Variants in GADL1 observed in about 807,000 individuals in gnomAD.
GADL1 encodes the protein GAD like acidic amino acid decarboxylase 1, also known as acidic amino acid decarboxylase GADL1.
In GADL1, 71 loss-of-function variants were observed where a neutral mutation model predicts 69.5. That is an observed-to-expected ratio of 1.02 (90% CI 0.84 to 1.25). The LOEUF is 1.25. Among genes scored for constraint, GADL1 ranks in the 50% most tolerant of loss-of-function variants. The probability of loss-of-function intolerance (pLI) is 0.00; values close to 1 mark genes in which losing one functional copy is unlikely to be tolerated. For missense variants in GADL1, 737 were observed against 631.8 expected (o/e 1.17, Z -1.79); for synonymous variants, 254 against 214.4 (o/e 1.18, Z -1.62).
At chr3:30,878,226 T>C (rs1478020614) in intron 1 of GADL1, among the ~76,000 whole-genome samples, 4 of 151,938 alleles carry the variant, frequency 2.6e-5, no homozygotes. Context: ...AATGATTCTA[T>C]GGCTAAAGCC....
intron 5 of GADL1, among the ~76,000 whole-genome samples, chr3:30,850,437 C>T (rs1247861608): frequency 6.6e-6 from 1 of 151,950 alleles, no homozygotes; most frequent in African/African-American, 2.4e-5. Flanking sequence ...TTCTTTGTCA[C>T]CTAATCAATA....
At chr3:30,822,161 A>T (rs2125518095) in intron 11 of GADL1, among the ~76,000 whole-genome samples, 1 of 152,194 alleles carries the variant, frequency 6.6e-6, no homozygotes, top group East Asian at 1.9e-4. Flanking sequence ...ATTCCACAAC[A>T]AGAATAGATG....
intron 1 of GADL1, among the ~76,000 whole-genome samples, chr3:30,876,229 G>A (rs1232152393): frequency 6.6e-6 from 1 of 151,996 alleles, no homozygotes; most frequent in East Asian, 1.9e-4. Context: ...TAAGTAACTT[G>A]CCCAAGGCTA....
At chr3:30,839,201 C>T in intron 8 of GADL1, 88 bp from the exon 9 acceptor site, 1 of 803,818 alleles carries the variant, frequency 1.2e-6, no homozygotes, top group Non-Finnish European at 1.9e-6. Context: ...GGTTATGCAT[C>T]CAGAGAGTTA....
chr3:30,857,143 T>C lies in GADL1; in HGVS notation c.211-2A>G, dbSNP rs1321799872. ...TTCAGGAGGCCTCCATTCACACACCTGGAGATTCAACCACAACACAAATTG... is the reference window on the plus strand; with the variant it reads ...TTCAGGAGGCCTCCATTCACACACCCGGAGATTCAACCACAACACAAATTG... On this transcript the variant is annotated splice_acceptor_variant, in intron 2 of 14. Coordinates refer to ENST00000282538, the MANE Select transcript of GADL1 (RefSeq NM_207359.3). LOFTEE classifies it high-confidence loss of function. 1.9e-6 allele frequency: 3 copies of C among 1,549,812 alleles called. No homozygotes were observed. Among genetic ancestry groups the C allele is most frequent in the Admixed American group, 2.0e-5 (1 of 50,926 alleles).
chr3:30,752,871 G>T (rs1695860870), intron 14 of GADL1, among the ~76,000 whole-genome samples: 1 of 152,148 alleles, frequency 6.6e-6, no homozygotes. Context: ...ATAACTAAAA[G>T]TGGCTAGAAG....
At chr3:30,814,225 T>A (rs183148294) in intron 11 of GADL1, among the ~76,000 whole-genome samples, 8 of 152,326 alleles carry the variant, frequency 5.3e-5, no homozygotes, top group Admixed American at 4.6e-4. Flanking sequence ...AGCAGAGGAA[T>A]AATTTGAACA....
At chr3:30,756,204 G>T (rs1004870351) in intron 14 of GADL1, among the ~76,000 whole-genome samples, 11 of 152,152 alleles carry the variant, frequency 7.2e-5, no homozygotes, top group Non-Finnish European at 2.9e-5. Context: ...TATGGACCAT[G>T]ACAATGAACA....
At chr3:30,892,042 G>C (rs1698794747) in intron 1 of GADL1, among the ~76,000 whole-genome samples, 1 of 152,154 alleles carries the variant, frequency 6.6e-6, no homozygotes, top group Non-Finnish European at 1.5e-5. Context: ...TATTCAGGAA[G>C]AATGGAAAGT....
At chr3:30,740,392 T>C (rs759981928) in intron 14 of GADL1, among the ~76,000 whole-genome samples, 4 of 152,180 alleles carry the variant, frequency 2.6e-5, no homozygotes, top group Non-Finnish European at 4.4e-5. Flanking sequence ...TGGCATTCTT[T>C]CCCAAGTTGG....
At chr3:30,875,663 A>G (rs1043982230) in intron 1 of GADL1, among the ~76,000 whole-genome samples, 1 of 151,862 alleles carries the variant, frequency 6.6e-6, no homozygotes. Context: ...CATACTTCAC[A>G]TATTAAATAG....
chr3:30,731,131 C>T (rs1695451112), intron 14 of GADL1, among the ~76,000 whole-genome samples: 1 of 152,190 alleles, frequency 6.6e-6, no homozygotes, highest in African/African-American at 2.4e-5. Context: ...GACCAAATGT[C>T]TAGCTAGAAG....
chr3:30,751,127 C>T (rs760855585), intron 14 of GADL1, among the ~76,000 whole-genome samples: 5 of 150,066 alleles, frequency 3.3e-5, no homozygotes, highest in Non-Finnish European at 5.9e-5. Context: ...GGGCAGCTTA[C>T]GGGCCATATC....
intron 1 of GADL1, among the ~76,000 whole-genome samples, chr3:30,876,184 G>A (rs184668470): frequency 4.6e-5 from 7 of 152,090 alleles, no homozygotes; most frequent in South Asian, 2.1e-4. Flanking sequence ...TAACATCCCC[G>A]TTTTATAAAT....
chr3:30,850,929 C>T lies in GADL1; in HGVS notation c.441G>A (p.Glu147=). The change falls in exon 5 of 15, where the codon GAG becomes GAA. Residue 147 remains glutamate, a synonymous_variant. Coordinates refer to ENST00000282538, the MANE Select transcript of GADL1 (RefSeq NM_207359.3). Reference sequence around the variant, plus strand: ...CCACTAACAGAAACACTGGGGACACCTCATACGTATAACTAGATAGATATA... The same window carrying T: ...CCACTAACAGAAACACTGGGGACACTTCATACGTATAACTAGATAGATATA... ...EALNPSVYTY[E]VSPVFLLVEE... The T allele has an allele frequency of 6.5e-7, 1 of 1,535,786 alleles. No individual in the cohort carries two copies. Among genetic ancestry groups the T allele is most frequent in the Non-Finnish European group, 8.8e-7 (1 of 1,132,760 alleles).
At chr3:30,760,116 G>C (rs908924312) in intron 14 of GADL1, among the ~76,000 whole-genome samples, 5 of 152,160 alleles carry the variant, frequency 3.3e-5, no homozygotes, top group African/African-American at 1.2e-4. Context: ...TGTTTCTAGA[G>C]AAATAATTCT....
At chr3:30,745,864 G>T (rs2125475096) in intron 14 of GADL1, among the ~76,000 whole-genome samples, 1 of 151,930 alleles carries the variant, frequency 6.6e-6, no homozygotes, top group African/African-American at 2.4e-5. Flanking sequence ...CCTCTACTTG[G>T]AGTTCATCCT....
At chr3:30,784,465 T>C (rs1696746094) in intron 13 of GADL1, among the ~76,000 whole-genome samples, 1 of 152,220 alleles carries the variant, frequency 6.6e-6, no homozygotes, top group South Asian at 2.1e-4. Flanking sequence ...GTTTAATTTT[T>C]AATCATTTTG....
intron 14 of GADL1, among the ~76,000 whole-genome samples, chr3:30,750,314 A>G (rs1156874986): frequency 2.0e-5 from 3 of 152,116 alleles, no homozygotes; most frequent in Non-Finnish European, 2.9e-5. Context: ...CAGTTTCAAA[A>G]ATGTCCTGAG....
Sources: gnomAD v4.1 joint callset for allele counts (sites outside exome capture counted in the v4.1 genomes callset) on GRCh38, gnomAD v4.1.1 for gene constraint, MANE v1.5 for transcripts, NCBI Gene and HGNC (gene_info 2026-07-23, HGNC 2026-07-21) for gene names.